Variants in PLCZ1 observed in about 807,000 individuals in gnomAD.
PLCZ1 encodes 1-phosphatidylinositol 4,5-bisphosphate phosphodiesterase zeta-1.
In PLCZ1, 64 loss-of-function variants were observed where a neutral mutation model predicts 76.8. The ratio of observed to expected loss-of-function variants is 0.83; its 90% CI spans 0.68 to 1.03. The LOEUF (loss-of-function observed/expected upper bound fraction) is 1.03, where lower values mean the gene tolerates loss of function less well. Among genes scored for constraint, PLCZ1 ranks in the 50% least tolerant of loss-of-function variants. The probability of loss-of-function intolerance (pLI) is 0.00; values close to 1 mark genes in which losing one functional copy is unlikely to be tolerated. For synonymous variants in PLCZ1, 248 were observed against 230.8 expected, an observed-to-expected ratio of 1.07 and a Z score of -0.68; for missense variants, 751 against 713.7, an observed-to-expected ratio of 1.05 and a Z score of -0.60.
At chr12:18,702,788 A>G (rs1956110421) in intron 7 of PLCZ1, among the ~76,000 whole-genome samples, 1 of 151,070 alleles carries the variant, frequency 6.6e-6, no homozygotes. Context: ...TCTTTTACAC[A>G]CAAGGACTGA....
intron 13 of PLCZ1, among the ~76,000 whole-genome samples, chr12:18,686,498 A>G (rs1565649387): frequency 1.3e-5 from 2 of 151,312 alleles, no homozygotes; most frequent in Middle Eastern, 3.4e-3. Flanking sequence ...TGTTTTCTTC[A>G]TATTTTAGGA....
intron 3 of PLCZ1, among the ~76,000 whole-genome samples, chr12:18,734,607 T>C (rs1364842950): frequency 6.6e-6 from 1 of 152,158 alleles, no homozygotes; most frequent in Admixed American, 6.6e-5. Flanking sequence ...TGCCTCAGCC[T>C]CCCAAAGTGC....
chr12:18,673,551 G>A, the PLCZ1 span, among the ~76,000 whole-genome samples: 1 of 152,086 alleles, frequency 6.6e-6, no homozygotes. Context: ...TCCCCACAAA[G>A]AAAAGACCTA....
chr12:18,701,033 G>A (rs991278810), intron 9 of PLCZ1, among the ~76,000 whole-genome samples: 2 of 151,056 alleles, frequency 1.3e-5, no homozygotes, highest in South Asian at 4.2e-4. Flanking sequence ...TGCCCAGGTT[G>A]GAGTGCAATG....
At chr12:18,715,192 GGA>G (rs140208258) in intron 5 of PLCZ1, among the ~76,000 whole-genome samples, 629 of 8,912 alleles carry the variant, frequency 0.071, 142 homozygotes, top group African/African-American at 0.13. Flanking sequence ...GCGGAGGGAG[GGA>G]GAGAGAGAGA....
chr12:18,718,244 T>C (rs1435128867), intron 5 of PLCZ1, among the ~76,000 whole-genome samples: 1 of 152,184 alleles, frequency 6.6e-6, no homozygotes, highest in African/African-American at 2.4e-5. Flanking sequence ...TTCAACTACT[T>C]GTCATCTCAG....
the PLCZ1 span, among the ~76,000 whole-genome samples, chr12:18,657,436 C>A: frequency 6.7e-6 from 1 of 148,814 alleles, no homozygotes; most frequent in African/African-American, 2.5e-5. Flanking sequence ...AAGACTATAG[C>A]AGAGTAGTAA....
At chr12:18,703,096 T>C (rs1956159360) in intron 7 of PLCZ1, among the ~76,000 whole-genome samples, 1 of 152,202 alleles carries the variant, frequency 6.6e-6, no homozygotes, top group Admixed American at 6.5e-5. Flanking sequence ...GGGATTCTCT[T>C]CCAAGAAAGC....
chr12:18,705,618 C>A (rs1251862045), intron 6 of PLCZ1, among the ~76,000 whole-genome samples: 1 of 152,094 alleles, frequency 6.6e-6, no homozygotes, highest in East Asian at 1.9e-4. Context: ...GTAATCCCAG[C>A]ACTTTGGGAG....
intron 3 of PLCZ1, among the ~76,000 whole-genome samples, chr12:18,732,756 T>C (rs1959125591): frequency 6.6e-6 from 1 of 152,232 alleles, no homozygotes; most frequent in Non-Finnish European, 1.5e-5. Context: ...TCCCTTAATA[T>C]AATGTCCTCT....
rs1320608679 is a variant in PLCZ1, at chr12:18,736,276, A to G, written c.80T>C (p.Leu27Ser). ...GKINLEKTQR[L>S]LEKLDIRCSY... ...GCACCGAATATCTAATTTTTCAAGTAACCTCTGAGTTTTTTCTAGGTTAAT... is the reference window on the plus strand; with the variant it reads ...GCACCGAATATCTAATTTTTCAAGTGACCTCTGAGTTTTTTCTAGGTTAAT... Residue 27 changes from leucine to serine, a missense_variant, in exon 3 of 15, where the codon TTA becomes TCA. Physicochemically the swap from Leu to Ser is moderately radical, Grantham distance 145 (BLOSUM62 -2). Coordinates refer to ENST00000266505, the MANE Select transcript of PLCZ1 (RefSeq NM_033123.4). 2 of 1,612,826 alleles carry G rather than the reference A, an allele frequency of 1.2e-6. No individual in the cohort carries two copies. The highest frequency in any genetic ancestry group is 2.2e-5 in the South Asian group (2 of 91,044).
At chr12:18,736,626 A>T in intron 2 of PLCZ1, 3 of 1,301,796 alleles carry the variant, frequency 2.3e-6, no homozygotes, top group African/African-American at 1.5e-5. Flanking sequence ...ACATTAAAAC[A>T]TTATAACAAT....
chr12:18,737,138 A>T (rs1033535981), intron 2 of PLCZ1, among the ~76,000 whole-genome samples: 2 of 152,220 alleles, frequency 1.3e-5, no homozygotes, highest in African/African-American at 4.8e-5. Flanking sequence ...ATCTCCTTAA[A>T]TTTAATAGTT....
At chr12:18,698,052 G>C in intron 10 of PLCZ1, among the ~76,000 whole-genome samples, 1 of 151,752 alleles carries the variant, frequency 6.6e-6, no homozygotes, top group East Asian at 1.9e-4. Context: ...TACAGGTCCT[G>C]TCCTCATGAA....
Position 18,695,014 on chromosome 12 carries a change from C to G in PLCZ1, c.1357G>C (p.Gly453Arg). 1 of 1,612,274 alleles carries G rather than the reference C, an allele frequency of 6.2e-7. No individual in the cohort carries two copies. Among genetic ancestry groups the G allele is most frequent in the Non-Finnish European group, 8.5e-7 (1 of 1,178,636 alleles). ...GGTTTCAAAATATATCCAGAACCAC[C>G]ATTATCCAAAAATTTCCCATTTTGC... The part of the protein sequence containing the change: ...DLQNGKFLDN[G>R]GSGYILKPHF... Residue 453 changes from glycine to arginine, a missense_variant, in exon 12 of 15, where the codon GGT becomes CGT. Gly to Arg is a moderately radical substitution (Grantham distance 125, BLOSUM62 -2). Transcript: ENST00000266505.
At chr12:18,656,036 T>C in the PLCZ1 span, among the ~76,000 whole-genome samples, 1 of 152,180 alleles carries the variant, frequency 6.6e-6, no homozygotes, top group Non-Finnish European at 1.5e-5. Context: ...GGTTCATCAA[T>C]TGTGACAAAT....
the PLCZ1 span, among the ~76,000 whole-genome samples, chr12:18,669,462 T>C: frequency 6.6e-6 from 1 of 152,212 alleles, no homozygotes; most frequent in Non-Finnish European, 1.5e-5. Flanking sequence ...GATACTGTCT[T>C]AATGTGAACT....
intron 5 of PLCZ1, among the ~76,000 whole-genome samples, chr12:18,717,051 A>T (rs1254072467): frequency 1.3e-5 from 2 of 152,166 alleles, no homozygotes; most frequent in Non-Finnish European, 2.9e-5. Flanking sequence ...CACTAGTCAC[A>T]AGGAAAAATA....
chr12:18,715,356 TTAAGAA>T (rs1385120819), intron 5 of PLCZ1, among the ~76,000 whole-genome samples: 3 of 151,998 alleles, frequency 2.0e-5, no homozygotes, highest in African/African-American at 7.2e-5. Flanking sequence ...CAAATCTTTA[TTAAGAA>T]TAATTAAATT....
Sources: gnomAD v4.1 joint callset for allele counts (sites outside exome capture counted in the v4.1 genomes callset) on GRCh38, gnomAD v4.1.1 for gene constraint, MANE v1.5 for transcripts, NCBI Gene and HGNC (gene_info 2026-07-23, HGNC 2026-07-21) for gene names.